DAAM2: variants seen among roughly 807,000 people sequenced by gnomAD.
DAAM2 encodes dishevelled associated activator of morphogenesis 2.
DAAM2 carries 39 observed loss-of-function variants against 120.7 expected under a neutral mutation model. That is an observed-to-expected ratio of 0.32 (90% confidence interval 0.25 to 0.42). The LOEUF (loss-of-function observed/expected upper bound fraction) is 0.42, where lower values mean the gene tolerates loss of function less well. Among genes scored for constraint, DAAM2 ranks in the 10% least tolerant of loss-of-function variants. DAAM2 has a pLI of 1.00. For missense variants in DAAM2, 1,283 were observed against 1,401.7 expected (o/e 0.92, Z 1.35); for synonymous variants, 488 against 524.9 (o/e 0.93, Z 0.96).
At chr6:39,828,492 A>G (rs1473974853) in intron 1 of DAAM2, among the ~76,000 whole-genome samples, 1 of 152,010 alleles carries the variant, frequency 6.6e-6, no homozygotes. Flanking sequence ...CTGGAGGGGA[A>G]GAACACTGTG....
intron 1 of DAAM2, among the ~76,000 whole-genome samples, chr6:39,842,795 G>A (rs571592777): frequency 6.6e-6 from 1 of 152,148 alleles, no homozygotes; most frequent in Non-Finnish European, 1.5e-5. Context: ...GGCTGCTTGG[G>A]GAAGGTGGCA....
intron 1 of DAAM2, among the ~76,000 whole-genome samples, chr6:39,811,465 C>T (rs2114064069): frequency 6.6e-6 from 1 of 152,180 alleles, no homozygotes; most frequent in Middle Eastern, 3.4e-3. Flanking sequence ...TCAGGCAGGC[C>T]ACAGAGTAAA....
intron 1 of DAAM2, among the ~76,000 whole-genome samples, chr6:39,854,443 G>A (rs2504804): frequency 0.62 from 94,859 of 151,980 alleles, 29,616 homozygotes; most frequent in Middle Eastern, 0.72. Flanking sequence ...ATAACCAGTA[G>A]TACAACGGCA....
Position 39,881,554 on chromosome 6 carries a change from T to A in DAAM2, c.1845+2077T>A, listed in dbSNP as rs1765120080. 2.0e-5 allele frequency among the ~76,000 whole-genome samples: 3 copies of A among 152,100 alleles called. No homozygotes were observed. In the South Asian group the frequency reaches 6.2e-4, roughly 32 times the overall value. On this transcript the variant is annotated intron_variant, in intron 14 of 24. Transcript: ENST00000274867. ...CAACATGGTGAAACCCCATCTTTAC[T>A]AAAAATACAAAAATTAGCAGGGTGT...
chr6:39,880,947 T>C (rs1249363702), intron 14 of DAAM2, among the ~76,000 whole-genome samples: 1 of 152,246 alleles, frequency 6.6e-6, no homozygotes, highest in Non-Finnish European at 1.5e-5. Context: ...CTGCAGAACG[T>C]GCAGAAAGGT....
At position 39,878,110 on chromosome 6, in the gene DAAM2, T is replaced by G. The variant is rs1582721111; in HGVS notation, c.1302-93T>G. ...TGGCTGGACAGATTGGAGACCAGGG[T>G]CCCCACCTGGAGGGTAGAAAGATGA... On this transcript the variant is annotated intron_variant, in intron 11 of 24. Coordinates refer to ENST00000274867, the MANE Select transcript of DAAM2 (RefSeq NM_001201427.2). The surrounding 1 kb of genome is among the most constrained non-coding windows in gnomAD (Gnocchi z 5.0). 7.4e-6 allele frequency: 10 copies of G among 1,358,490 alleles called. No individual in the cohort carries two copies. Among genetic ancestry groups the G allele is most frequent in the Admixed American group, 1.9e-5 (1 of 53,148 alleles). The allele number at this position is 1,358,490 out of a possible 1,614,324, so 84.2% of individuals were successfully genotyped here.
At chr6:39,842,854 G>A (rs1582658881) in intron 1 of DAAM2, among the ~76,000 whole-genome samples, 1 of 151,800 alleles carries the variant, frequency 6.6e-6, no homozygotes, top group South Asian at 2.1e-4. Flanking sequence ...CAGGGGAGGT[G>A]GGCATGAGAT....
chr6:39,865,043 C>T lies in DAAM2; in HGVS notation c.397C>T (p.Leu133=), dbSNP rs375635373. 1 of 1,599,368 alleles carries T rather than the reference C, an allele frequency of 6.3e-7. No individual in the cohort carries two copies. The highest frequency in any genetic ancestry group is 8.5e-7 in the Non-Finnish European group (1 of 1,170,356). The change falls in exon 5 of 25, where the codon CTG becomes TTG. Residue 133 remains leucine, a synonymous_variant. Coordinates refer to ENST00000274867, the MANE Select transcript of DAAM2 (RefSeq NM_001201427.2). ...TEMRNQVVED[L]KTALRTQPMR... ...GATGAGGAACCAAGTCGTGGAAGAC[C>T]TGAAGACAGCCCTCCGGACACAGCC...
chr6:39,874,138 T>G (rs1764776154), intron 10 of DAAM2, among the ~76,000 whole-genome samples: 1 of 152,166 alleles, frequency 6.6e-6, no homozygotes, highest in Non-Finnish European at 1.5e-5. Context: ...CTCTGAACCT[T>G]AGAATGACCT....
At chr6:39,881,635 C>T (rs926138359) in intron 14 of DAAM2, among the ~76,000 whole-genome samples, 6 of 152,098 alleles carry the variant, frequency 3.9e-5, no homozygotes, top group Non-Finnish European at 8.8e-5. Context: ...GAGAATTAAA[C>T]CTGGGGGGCG....
chr6:39,864,989 CTG>C lies in DAAM2; in HGVS notation c.345_346del (p.Tyr116ArgfsTer3). On this transcript the variant is annotated frameshift_variant, in exon 5 of 25. Transcript: ENST00000274867. LOFTEE classifies it high-confidence loss of function. ...RINSMAAMQS[L>X]YAFDEEETEM... is the part of the protein sequence containing the mutation. ...ACCTGCTGGCCCTCAGATGCAGAGTCTGTACGCGTTTGATGAGGAGGAGACGG... is the reference window on the plus strand; with the variant it reads ...ACCTGCTGGCCCTCAGATGCAGAGTCTACGCGTTTGATGAGGAGGAGACGG... The C allele has an allele frequency of 6.2e-7, 1 of 1,603,500 alleles. No individual in the cohort carries two copies. The highest frequency in any genetic ancestry group is 8.5e-7 in the Non-Finnish European group (1 of 1,175,336).
chr6:39,890,029 G>A (rs1270738231), intron 17 of DAAM2, among the ~76,000 whole-genome samples: 1 of 152,166 alleles, frequency 6.6e-6, no homozygotes, highest in Non-Finnish European at 1.5e-5. Context: ...TTGGGAGGCT[G>A]AGGCAGGAGA....
chr6:39,806,849 AAAAAAAG>A (rs900773553), intron 1 of DAAM2, among the ~76,000 whole-genome samples: 7 of 130,136 alleles, frequency 5.4e-5, no homozygotes, highest in African/African-American at 1.6e-4. Flanking sequence ...GCAAAAAAAA[AAAAAAAG>A]AAAAGAAAAA....
At chr6:39,891,892 G>A (rs1442668552) in intron 19 of DAAM2, 170 bp downstream of exon 19, 2 of 618,662 alleles carry the variant, frequency 3.2e-6, no homozygotes, top group South Asian at 2.1e-5. Context: ...ATAAAAATAT[G>A]CACTTGCTTA....
intron 1 of DAAM2, among the ~76,000 whole-genome samples, chr6:39,797,037 G>C (rs954190323): frequency 6.6e-6 from 1 of 152,186 alleles, no homozygotes; most frequent in African/African-American, 2.4e-5. Flanking sequence ...AACTGTGCTT[G>C]GAGGTCAGAT....
At chr6:39,831,714 A>G (rs1453305840) in intron 1 of DAAM2, among the ~76,000 whole-genome samples, 1 of 115,808 alleles carries the variant, frequency 8.6e-6, no homozygotes, top group Non-Finnish European at 1.7e-5. Flanking sequence ...AGGCACGCTG[A>G]GGGACAGGTG....
rs1047484652 is a variant in DAAM2 at position 39,899,801 on chromosome 6, G to A, written c.2680-276G>A. The A allele has an allele frequency of 9.7e-6, 3 of 309,786 alleles. No homozygotes were observed. In the Admixed American group the frequency reaches 1.4e-4, roughly 14 times the overall value. 19.2% of individuals were successfully genotyped at this position (309,786 alleles called of 1,614,324 possible). A position where few individuals can be genotyped will look rare whatever the true frequency, so the allele number is the denominator to read the frequency against. ...TAAAATGCAGCTTCTGATCCTGTGG[G>A]TCTGAGAGTCTGTATTTCTCATAAT... On this transcript the variant is annotated intron_variant, in intron 22 of 24. Coordinates refer to ENST00000274867, the MANE Select transcript of DAAM2 (RefSeq NM_001201427.2).
rs189264911 is a variant in DAAM2 at position 39,871,596 on chromosome 6, G to A, written c.1044+24G>A. 6.2e-4 allele frequency: 955 copies of A among 1,546,204 alleles called. 3 individuals carry two copies. The African/African-American group carries it at 0.011, about 17-fold the overall frequency. On this transcript the variant is annotated intron_variant, in intron 9 of 24. Transcript: ENST00000274867. ...TGGTGAGGAGCCAGCAGGGTGGAGCGATTGCAATGGGGTAGTAGGGTTCTT... is the reference window on the plus strand; with the variant it reads ...TGGTGAGGAGCCAGCAGGGTGGAGCAATTGCAATGGGGTAGTAGGGTTCTT...
intron 16 of DAAM2, chr6:39,887,825 T>C: frequency 2.0e-6 from 1 of 494,544 alleles, no homozygotes; most frequent in Non-Finnish European, 3.7e-6. Context: ...GGCAGCTGAG[T>C]TGCTCTAAGC....
Sources: allele counts gnomAD v4.1 joint callset (sites outside exome capture counted in the v4.1 genomes callset), GRCh38; gene constraint gnomAD v4.1.1; non-coding constraint Gnocchi (gnomAD v3.1); transcripts MANE v1.5; gene names NCBI Gene and HGNC (gene_info 2026-07-23, HGNC 2026-07-21).